The following SMCHD1 variants were observed in gnomAD, a reference collection of about 807,000 sequenced individuals.
The protein encoded by SMCHD1 is structural maintenance of chromosomes flexible hinge domain-containing protein 1.
SMCHD1 carries 78 observed loss-of-function variants against 254.7 expected under a neutral mutation model. That is an observed-to-expected ratio of 0.31 (90% CI 0.26 to 0.37). The LOEUF (loss-of-function observed/expected upper bound fraction) is 0.37. Ranked by LOEUF, SMCHD1 falls within the 10% of genes least tolerant of loss-of-function variation. The pLI is 1.00. For missense variants in SMCHD1, 1,840 were observed against 2,408.1 expected (o/e 0.76, Z 4.94); for synonymous variants, 766 against 794.9 (o/e 0.96, Z 0.61).
At position 2,664,005 on chromosome 18, in the gene SMCHD1, G is replaced by T. The variant is rs574559611; in HGVS notation, c.187-2152G>T. 4.6e-5 allele frequency among the ~76,000 whole-genome samples: 7 copies of T among 152,170 alleles called. No homozygotes were observed. In the East Asian group the frequency reaches 1.4e-3, roughly 29 times the overall value. ...GCTGGGATTACAGGTTTGAGCCACC[G>T]CGCCCGGCCTATTCCAGGATATTTT... On this transcript the variant is annotated intron_variant, in intron 1 of 47. Coordinates refer to ENST00000320876, the MANE Select transcript of SMCHD1 (RefSeq NM_015295.3).
Position 2,688,466 on chromosome 18 carries a change from TG to T in SMCHD1, c.716del (p.Gly239AlafsTer14). ...ATAGTGATATTTCCTATTTTGGTGT[TG>T]GGGGCAAGCAAGCTGTCTTCTTTGT... ...LNSDISYFGV[G>X]GKQAVFFVGQ... On this transcript the variant is annotated frameshift_variant, in exon 6 of 48. Coordinates refer to ENST00000320876, the MANE Select transcript of SMCHD1 (RefSeq NM_015295.3). LOFTEE classifies it high-confidence loss of function. 1 of 1,613,950 alleles carries T rather than the reference TG, an allele frequency of 6.2e-7. No individual in the cohort carries two copies. The highest frequency in any genetic ancestry group is 8.5e-7 in the Non-Finnish European group (1 of 1,179,826).
At chr18:2,753,913 T>C (rs571552324) in intron 34 of SMCHD1, among the ~76,000 whole-genome samples, 138 of 152,290 alleles carry the variant, frequency 9.1e-4, no homozygotes, top group African/African-American at 3.2e-3. Context: ...GGACATGTAA[T>C]AGAGTGGCAT....
Position 2,796,530 on chromosome 18 carries a change from G to A in SMCHD1, c.5993+9G>A. 6.5e-7 allele frequency: 1 copy of A among 1,534,018 alleles called. No homozygotes were observed. The highest frequency in any genetic ancestry group is 8.9e-7 in the Non-Finnish European group (1 of 1,120,766). ...GCTACAAGACAAAATAGGTGAGTTTGTTTGACCTGAGAATTATGCTTGGTT... is the reference window on the plus strand; with the variant it reads ...GCTACAAGACAAAATAGGTGAGTTTATTTGACCTGAGAATTATGCTTGGTT... On this transcript the variant is annotated intron_variant, in intron 47 of 47. Coordinates refer to ENST00000320876, the MANE Select transcript of SMCHD1 (RefSeq NM_015295.3).
chr18:2,662,708 A>AAAAAGTAGT (rs2073326606), intron 1 of SMCHD1, among the ~76,000 whole-genome samples: 3 of 151,742 alleles, frequency 2.0e-5, no homozygotes, highest in African/African-American at 7.3e-5. Context: ...CATAGAAATA[A>AAAAAGTAGT]AAAAGTAGTA....
intron 7 of SMCHD1, among the ~76,000 whole-genome samples, chr18:2,690,403 AAC>A (rs1332609645): frequency 6.6e-6 from 1 of 152,222 alleles, no homozygotes; most frequent in Non-Finnish European, 1.5e-5. Flanking sequence ...ATCTTTGCAT[AAC>A]ATCTTACCTG....
chr18:2,684,912 T>G (rs1475202543), intron 5 of SMCHD1, among the ~76,000 whole-genome samples: 1 of 152,022 alleles, frequency 6.6e-6, no homozygotes, highest in Non-Finnish European at 1.5e-5. Context: ...TCTTTGTACT[T>G]TTGTTTTTGT....
At chr18:2,700,373 G>A (rs1433649450) in intron 10 of SMCHD1, among the ~76,000 whole-genome samples, 166 bp from the exon 11 acceptor site, 2 of 152,198 alleles carry the variant, frequency 1.3e-5, no homozygotes, top group Admixed American at 1.3e-4. Flanking sequence ...ATGACAGACA[G>A]CATTCGTAAT....
At chr18:2,682,703 G>C (rs2143909100) in intron 5 of SMCHD1, among the ~76,000 whole-genome samples, 1 of 152,276 alleles carries the variant, frequency 6.6e-6, no homozygotes, top group South Asian at 2.1e-4. Context: ...TCCTTTCATT[G>C]TATGAAGATT....
chr18:2,753,398 G>A (rs980784864), intron 34 of SMCHD1, among the ~76,000 whole-genome samples: 1 of 152,092 alleles, frequency 6.6e-6, no homozygotes, highest in Non-Finnish European at 1.5e-5. Flanking sequence ...TCAATTTTGG[G>A]CTATTACAAA....
chr18:2,749,557 G>A (rs2075532743), intron 30 of SMCHD1, among the ~76,000 whole-genome samples: 1 of 152,210 alleles, frequency 6.6e-6, no homozygotes, highest in Non-Finnish European at 1.5e-5. Flanking sequence ...GGTTATCACT[G>A]TGAATGTAGT....
intron 44 of SMCHD1, among the ~76,000 whole-genome samples, chr18:2,778,651 C>T (rs2076105599): frequency 6.6e-6 from 1 of 152,060 alleles, no homozygotes; most frequent in South Asian, 2.1e-4. Context: ...AGCTGGAGAT[C>T]CAAATTCACA....
Position 2,750,059 on chromosome 18 carries a change from A to T in SMCHD1, c.3944A>T (p.Gln1315Leu). The change falls in exon 31 of 48, where the codon CAA (glutamine) becomes CTA (leucine). Residue 1315 changes from glutamine to leucine, a missense_variant. Gln to Leu is a moderately radical substitution (Grantham distance 113). Around this residue, in one of 9 missense-constraint regions of SMCHD1, gnomAD observed 881 missense variants for 1,009.5 expected, o/e 0.87. Coordinates refer to ENST00000320876, the MANE Select transcript of SMCHD1 (RefSeq NM_015295.3). ...TGTTTTTAGCTCATGCCTTCAAACCAACAGCATAAAACAGATGAGAAAGGC... is the reference window on the plus strand; with the variant it reads ...TGTTTTTAGCTCATGCCTTCAAACCTACAGCATAAAACAGATGAGAAAGGC... Reference protein sequence around the residue: ...ASNLKLMPSNQQHKTDEKGRA... With the variant: ...ASNLKLMPSNLQHKTDEKGRA... 1 of 1,568,802 alleles carries T rather than the reference A, an allele frequency of 6.4e-7. No homozygotes were observed. Among genetic ancestry groups the T allele is most frequent in the Non-Finnish European group, 8.7e-7 (1 of 1,155,214 alleles).
At chr18:2,779,019 T>C (rs145540623) in intron 44 of SMCHD1, 1 of 152,320 alleles carries the variant, frequency 6.6e-6, no homozygotes, top group African/African-American at 2.4e-5. Context: ...TGTTTTATTC[T>C]TTCCTCCCCT....
chr18:2,796,168 A>G, intron 46 of SMCHD1, 61 bp downstream of exon 46: 8 of 1,339,292 alleles, frequency 6.0e-6, no homozygotes, highest in Non-Finnish European at 7.0e-6. Context: ...ATTTATGATG[A>G]GAGAGAATCC....
chr18:2,759,488 A>ATTTTTT (rs2075742189), intron 34 of SMCHD1, among the ~76,000 whole-genome samples: 1 of 10,832 alleles, frequency 9.2e-5, no homozygotes, highest in African/African-American at 4.1e-4. Flanking sequence ...ATTTTCAAGC[A>ATTTTTT]ATTTTTTTTT....
At chr18:2,793,445 C>T (rs1488841990) in intron 45 of SMCHD1, among the ~76,000 whole-genome samples, 3 of 151,872 alleles carry the variant, frequency 2.0e-5, no homozygotes, top group African/African-American at 4.8e-5. Flanking sequence ...GGGTGGATCA[C>T]GAGGTCAGGA....
In SMCHD1 at chr18:2,729,234, A is replaced by T. The variant is rs761638007; in HGVS notation, c.2914-41A>T. 4.4e-6 allele frequency: 6 copies of T among 1,374,580 alleles called. No homozygotes were observed. In the East Asian group the frequency reaches 1.6e-4, roughly 37 times the overall value. The allele number at this position is 1,374,580 out of a possible 1,614,324, so 85.1% of individuals were successfully genotyped here. A position where few individuals can be genotyped will look rare whatever the true frequency, so the allele number is the denominator to read the frequency against. On this transcript the variant is annotated intron_variant, in intron 23 of 47. Coordinates refer to ENST00000320876, the MANE Select transcript of SMCHD1 (RefSeq NM_015295.3). ...GAACAATTACGGAAGAATCAAATAT[A>T]TTTAATAGGGGTCTTACATTATTTT... is the stretch of plus-strand genomic sequence containing the variant.
intron 39 of SMCHD1, among the ~76,000 whole-genome samples, chr18:2,771,273 C>A (rs745987482): frequency 6.6e-6 from 1 of 152,166 alleles, no homozygotes. Context: ...GATTAAGTAA[C>A]TTATCCAAGA....
chr18:2,758,905 G>A (rs2075731155), intron 34 of SMCHD1, among the ~76,000 whole-genome samples: 1 of 151,920 alleles, frequency 6.6e-6, no homozygotes, highest in Non-Finnish European at 1.5e-5. Flanking sequence ...GTGGTCTTCA[G>A]TTTTTAAAAA....
Sources: gnomAD v4.1 joint callset for allele counts (sites outside exome capture counted in the v4.1 genomes callset) on GRCh38, gnomAD v4.1.1 for gene constraint, gnomAD v4.1.1 regional missense constraint, MANE v1.5 for transcripts, NCBI Gene and HGNC (gene_info 2026-07-23, HGNC 2026-07-21) for gene names.